Variants in HPSE2 observed in about 807,000 individuals in gnomAD.
HPSE2 encodes heparanase 2 (inactive).
A neutral mutation model predicts 60.5 loss-of-function variants in HPSE2; 38 were observed. The ratio of observed to expected loss-of-function variants is 0.63; its 90% confidence interval spans 0.48 to 0.82. The LOEUF (loss-of-function observed/expected upper bound fraction) is 0.82. HPSE2 is among the 40% of genes least tolerant of loss of function. HPSE2 has a pLI of 0.00. For synonymous variants in HPSE2, 295 were observed against 293.2 expected (o/e 1.01, Z -0.06); for missense variants, 713 against 740.4 (o/e 0.96, Z 0.43).
chr10:99,273,429 T>C, the HPSE2 span, among the ~76,000 whole-genome samples: 1 of 152,088 alleles, frequency 6.6e-6, no homozygotes, highest in Non-Finnish European at 1.5e-5. Flanking sequence ...AATAAATAAA[T>C]AAAATTTTTT....
intron 4 of HPSE2, among the ~76,000 whole-genome samples, chr10:98,727,496 T>C (rs998990911): frequency 9.9e-5 from 15 of 151,744 alleles, no homozygotes; most frequent in Admixed American, 6.6e-5. Flanking sequence ...ACTAAAAATA[T>C]GAAAATTAGC....
intron 9 of HPSE2, among the ~76,000 whole-genome samples, chr10:98,581,097 C>A (rs1041162335): frequency 6.6e-6 from 1 of 151,564 alleles, no homozygotes; most frequent in African/African-American, 2.4e-5. Context: ...CGTGCCAACA[C>A]GCCTGGCTAA....
Position 98,843,719 on chromosome 10 carries a change from T to G in HPSE2, c.611-99663A>C, listed in dbSNP as rs554128213. Among the ~76,000 whole-genome samples the G allele has an allele frequency of 2.6e-5, 4 of 152,278 alleles. No individual in the cohort carries two copies. The South Asian group carries it at 8.3e-4, about 32-fold the overall frequency. ...CATTTTACAACAAATCTACAAACAA[T>G]AAATCTTCCTTTCTCTCTAAATGGC... On this transcript the variant is annotated intron_variant, in intron 3 of 11. Transcript: ENST00000370552.
rs1415213871 is a variant in HPSE2, at chr10:98,554,610, A to G, written c.1320+60294T>C. On this transcript the variant is annotated intron_variant, in intron 9 of 11. Coordinates refer to ENST00000370552, the MANE Select transcript of HPSE2 (RefSeq NM_021828.5). ...GTTTACTAAATAGTTGACTACACAA[A>G]GGTAGAGAGATTGTTTACAATGATG... 5.3e-5 allele frequency among the ~76,000 whole-genome samples: 8 copies of G among 152,220 alleles called. 1 individual carries two copies. Among genetic ancestry groups the G allele is most frequent in the Non-Finnish European group, 1.0e-4 (7 of 68,038 alleles).
chr10:98,900,659 A>T (rs566371635), intron 3 of HPSE2, among the ~76,000 whole-genome samples: 2 of 152,324 alleles, frequency 1.3e-5, no homozygotes, highest in South Asian at 4.1e-4. Context: ...AAAGCCAGAT[A>T]CCTGTACATG....
At chr10:98,528,714 G>T (rs569453276) in intron 9 of HPSE2, among the ~76,000 whole-genome samples, 3 of 152,200 alleles carry the variant, frequency 2.0e-5, no homozygotes, top group African/African-American at 7.2e-5. Context: ...TGTGTCAGCC[G>T]GAAGGGCAGC....
intron 2 of HPSE2, 52 bp downstream of exon 2, chr10:99,232,296 G>A: frequency 6.5e-7 from 1 of 1,535,642 alleles, no homozygotes; most frequent in East Asian, 2.5e-5. Context: ...CACAAACACA[G>A]CGGGTGCTTG....
At chr10:99,200,088 T>C (rs980160733) in intron 2 of HPSE2, among the ~76,000 whole-genome samples, 3 of 152,174 alleles carry the variant, frequency 2.0e-5, no homozygotes, top group African/African-American at 4.8e-5. Flanking sequence ...TCAATGTTAG[T>C]GTAAAGAAAT....
intron 3 of HPSE2, among the ~76,000 whole-genome samples, chr10:98,904,608 G>T (rs1396250467): frequency 6.6e-6 from 1 of 152,132 alleles, no homozygotes; most frequent in Admixed American, 6.5e-5. Context: ...TAGGACCTAA[G>T]CATCTACATA....
intron 3 of HPSE2, among the ~76,000 whole-genome samples, chr10:99,108,396 G>C (rs1386018556): frequency 6.8e-6 from 1 of 148,126 alleles, no homozygotes; most frequent in Non-Finnish European, 1.5e-5. Flanking sequence ...AGAAGACACT[G>C]TTTAGAAAAA....
At chr10:98,726,563 C>A (rs1261412838) in intron 4 of HPSE2, among the ~76,000 whole-genome samples, 1 of 150,688 alleles carries the variant, frequency 6.6e-6, no homozygotes, top group Non-Finnish European at 1.5e-5. Context: ...TGCAGCACAC[C>A]AACATGGCAT....
intron 4 of HPSE2, among the ~76,000 whole-genome samples, chr10:98,724,527 T>G (rs1949017688): frequency 6.6e-6 from 1 of 152,178 alleles, no homozygotes; most frequent in African/African-American, 2.4e-5. Context: ...CCTTGTTAAC[T>G]TTCTGTCTTC....
chr10:99,306,109 G>A, the HPSE2 span, among the ~76,000 whole-genome samples: 1 of 151,670 alleles, frequency 6.6e-6, no homozygotes, highest in Non-Finnish European at 1.5e-5. Context: ...AGAGACTTAT[G>A]GGACATGGGC....
chr10:99,049,886 A>G (rs1040176147), intron 3 of HPSE2, among the ~76,000 whole-genome samples: 1 of 152,212 alleles, frequency 6.6e-6, no homozygotes, highest in African/African-American at 2.4e-5. Flanking sequence ...ATGAACTCTG[A>G]CAACTTAATA....
intron 3 of HPSE2, among the ~76,000 whole-genome samples, chr10:98,994,673 T>C (rs531012092): frequency 2.6e-5 from 4 of 152,154 alleles, no homozygotes; most frequent in African/African-American, 4.8e-5. Flanking sequence ...CAGCTCAGTA[T>C]TGAATTCTCA....
intron 11 of HPSE2, among the ~76,000 whole-genome samples, chr10:98,469,616 A>C (rs1940693004): frequency 6.6e-6 from 1 of 152,212 alleles, no homozygotes; most frequent in Non-Finnish European, 1.5e-5. Flanking sequence ...AGGGAGGAAA[A>C]TCAGACTTAG....
At chr10:98,678,982 A>C (rs977939356) in intron 6 of HPSE2, among the ~76,000 whole-genome samples, 8 of 152,162 alleles carry the variant, frequency 5.3e-5, no homozygotes, top group Non-Finnish European at 1.2e-4. Context: ...AAGGTCTAAA[A>C]GAATTGGGCA....
intron 9 of HPSE2, among the ~76,000 whole-genome samples, chr10:98,537,744 C>T (rs1943331740): frequency 6.6e-6 from 1 of 152,138 alleles, no homozygotes; most frequent in African/African-American, 2.4e-5. Context: ...TTGGAGGAGT[C>T]AGGGAACACT....
chr10:99,001,262 C>G (rs867773955), intron 3 of HPSE2, among the ~76,000 whole-genome samples: 1 of 152,010 alleles, frequency 6.6e-6, no homozygotes, highest in Non-Finnish European at 1.5e-5. Context: ...TTTTCTCTCA[C>G]TATAGGTCAC....
Sources: allele counts gnomAD v4.1 joint callset (sites outside exome capture counted in the v4.1 genomes callset), GRCh38; gene constraint gnomAD v4.1.1; transcripts MANE v1.5; gene names NCBI Gene and HGNC (gene_info 2026-07-23, HGNC 2026-07-21).